MFSD8: variants seen among roughly 807,000 people sequenced by gnomAD.
MFSD8 encodes major facilitator superfamily domain containing 8, also known as major facilitator superfamily domain-containing protein 8.
Under a neutral mutation model 66.4 loss-of-function variants are expected in MFSD8, and 55 were observed. The ratio of observed to expected loss-of-function variants is 0.83; its 90% CI spans 0.67 to 1.04. The LOEUF is 1.04. MFSD8 is among the 50% of genes least tolerant of loss of function. The probability of loss-of-function intolerance (pLI) is 0.00; values close to 1 mark genes in which losing one functional copy is unlikely to be tolerated. For missense variants in MFSD8, 550 were observed against 627.6 expected, an observed-to-expected ratio of 0.88 and a Z score of 1.32; for synonymous variants, 202 against 212.8, an observed-to-expected ratio of 0.95 and a Z score of 0.44.
rs535681637 is a variant in MFSD8, at chr4:127,932,863, A to C, written c.863+122T>G. The C allele has an allele frequency of 1.1e-3, 859 of 749,710 alleles. 1 individual carries two copies. The highest frequency in any genetic ancestry group is 1.7e-3 in the Non-Finnish European group (764 of 452,200). 46.4% of individuals were successfully genotyped at this position (749,710 alleles called of 1,614,324 possible). A position where few individuals can be genotyped will look rare whatever the true frequency, so the allele number is the denominator to read the frequency against. On this transcript the variant is annotated intron_variant, in intron 8 of 11. Coordinates refer to ENST00000641686, the MANE Select transcript of MFSD8 (RefSeq NM_001371596.2). ...AAAATGTATATACATTTTTTACATC[A>C]TGGTAAGAAAAATTTGCCTTACATA...
intron 2 of MFSD8, among the ~76,000 whole-genome samples, chr4:127,955,548 A>T (rs1249541896): frequency 6.6e-6 from 1 of 151,858 alleles, no homozygotes; most frequent in African/African-American, 2.4e-5. Context: ...TCAAAAAAAA[A>T]AAAAAAAAAA....
intron 2 of MFSD8, 130 bp downstream of exon 2, chr4:127,957,371 G>A: frequency 1.4e-6 from 1 of 701,514 alleles, no homozygotes; most frequent in Non-Finnish European, 2.5e-6. Flanking sequence ...TGGTAACACG[G>A]TAAATTTATG....
intron 3 of MFSD8, among the ~76,000 whole-genome samples, 166 bp downstream of exon 3, chr4:127,949,638 G>A (rs925034045): frequency 1.3e-5 from 2 of 152,076 alleles, no homozygotes; most frequent in African/African-American, 4.8e-5. Context: ...GCACAATAAA[G>A]CATATGGTCA....
At chr4:127,934,003 C>T (rs1738608047) in intron 7 of MFSD8, among the ~76,000 whole-genome samples, 1 of 152,060 alleles carries the variant, frequency 6.6e-6, no homozygotes, top group Non-Finnish European at 1.5e-5. Flanking sequence ...AGGTGGGAGG[C>T]CAGTGCAGGT....
chr4:127,936,439 T>C (rs755550206), intron 7 of MFSD8, among the ~76,000 whole-genome samples: 99 of 152,132 alleles, frequency 6.5e-4, no homozygotes, highest in Non-Finnish European at 1.3e-3. Flanking sequence ...CTAAAAGTTA[T>C]TTGTTTCCAG....
At chr4:127,933,199 T>C in intron 7 of MFSD8, 106 bp from the exon 8 acceptor site, 1 of 913,078 alleles carries the variant, frequency 1.1e-6, no homozygotes. Flanking sequence ...AAATAAACAT[T>C]TAAAAAAATT....
chr4:127,940,540 G>A (rs13130540), intron 5 of MFSD8, among the ~76,000 whole-genome samples: 1,258 of 89,240 alleles, frequency 0.014, 16 homozygotes, highest in African/African-American at 0.032. Context: ...ATATATATAT[G>A]TGTGTGTGTG....
At chr4:127,922,052 A>G in intron 9 of MFSD8, 89 bp from the exon 10 acceptor site, 1 of 1,188,796 alleles carries the variant, frequency 8.4e-7, no homozygotes, top group South Asian at 1.3e-5. Flanking sequence ...TAAAAATAAT[A>G]TCTTGTACTT....
rs984226940 is a variant in MFSD8 at position 127,932,916 on chromosome 4, A to G, written c.863+69T>C. The G allele has an allele frequency of 6.4e-6, 9 of 1,399,134 alleles. No individual in the cohort carries two copies. In the South Asian group the frequency reaches 1.1e-4, roughly 17 times the overall value. 86.7% of individuals were successfully genotyped at this position (1,399,134 alleles called of 1,614,324 possible). On this transcript the variant is annotated intron_variant, in intron 8 of 11. Coordinates refer to ENST00000641686, the MANE Select transcript of MFSD8 (RefSeq NM_001371596.2). ...ATTTTCAATAACATCTATATGCCTA[A>G]TTAACATTGCATTAAGAAATAAAGG...
chr4:127,938,486 G>A (rs1239648309), intron 7 of MFSD8, among the ~76,000 whole-genome samples: 1 of 151,764 alleles, frequency 6.6e-6, no homozygotes, highest in Non-Finnish European at 1.5e-5. Flanking sequence ...AGGAGGCTGA[G>A]GCAGGAGGAT....
rs928478580 is a variant in MFSD8, at chr4:127,941,928, T to G, written c.553+117A>C. On this transcript the variant is annotated intron_variant, in intron 5 of 11. Coordinates refer to ENST00000641686, the MANE Select transcript of MFSD8 (RefSeq NM_001371596.2). ...CTCATTCCTGGATTAAAAAAAAAAT[T>G]AGCTTTCCTCCCTTTCCCTTCAGCT... 6.3e-6 allele frequency: 5 copies of G among 798,880 alleles called. No individual in the cohort carries two copies. The African/African-American group carries it at 8.6e-5, about 14-fold the overall frequency. 49.5% of individuals were successfully genotyped at this position (798,880 alleles called of 1,614,324 possible).
intron 1 of MFSD8, among the ~76,000 whole-genome samples, chr4:127,958,720 T>TA (rs1440338057): frequency 1.3e-5 from 2 of 152,080 alleles, no homozygotes; most frequent in Non-Finnish European, 1.5e-5. Context: ...AGAATTTGAA[T>TA]AAAAAACCAG....
intron 2 of MFSD8, 152 bp downstream of exon 2, chr4:127,957,349 T>G (rs554202515): frequency 2.7e-5 from 17 of 621,786 alleles, no homozygotes; most frequent in Non-Finnish European, 4.5e-5. Context: ...TTAAGGCTAT[T>G]GAACTTAGAT....
At chr4:127,954,675 A>G (rs757126976) in intron 2 of MFSD8, among the ~76,000 whole-genome samples, 12 of 152,262 alleles carry the variant, frequency 7.9e-5, no homozygotes, top group Non-Finnish European at 1.6e-4. Context: ...GTGAATGTGA[A>G]TCACAGGATA....
chr4:127,949,287 G>A (rs925025588), intron 3 of MFSD8, among the ~76,000 whole-genome samples: 2 of 152,196 alleles, frequency 1.3e-5, no homozygotes, highest in Admixed American at 6.5e-5. Flanking sequence ...ATCAACTGAT[G>A]TTAAGCTACC....
At chr4:127,926,541 G>A (rs948315810) in intron 9 of MFSD8, among the ~76,000 whole-genome samples, 6 of 151,766 alleles carry the variant, frequency 4.0e-5, no homozygotes, top group Non-Finnish European at 5.9e-5. Context: ...TGGAATACAC[G>A]TGCTTTGAGG....
intron 3 of MFSD8, among the ~76,000 whole-genome samples, chr4:127,948,993 G>A (rs1252161962): frequency 6.6e-6 from 1 of 152,154 alleles, no homozygotes; most frequent in Non-Finnish European, 1.5e-5. Flanking sequence ...AGTAAGGAGA[G>A]GACAACAATG....
chr4:127,933,971 T>C (rs1293584602), intron 7 of MFSD8, among the ~76,000 whole-genome samples: 5 of 152,228 alleles, frequency 3.3e-5, no homozygotes, highest in African/African-American at 1.2e-4. Context: ...GGTTTACATG[T>C]GGATTACATG....
chr4:127,927,517 G>C (rs1248045181), intron 9 of MFSD8, among the ~76,000 whole-genome samples: 1 of 152,150 alleles, frequency 6.6e-6, no homozygotes, highest in Admixed American at 6.5e-5. Flanking sequence ...ATGATGATCA[G>C]TTTATCAGGA....
Sources: allele counts gnomAD v4.1 joint callset (sites outside exome capture counted in the v4.1 genomes callset), GRCh38; gene constraint gnomAD v4.1.1; transcripts MANE v1.5; gene names NCBI Gene and HGNC (gene_info 2026-07-23, HGNC 2026-07-21).